The following NUP93 variants were observed in gnomAD, a reference collection of about 807,000 sequenced individuals.
The protein encoded by NUP93 is nuclear pore complex protein Nup93.
Under a neutral mutation model 107.8 loss-of-function variants are expected in NUP93, and 55 were observed. That is an observed-to-expected ratio of 0.51 (90% confidence interval 0.41 to 0.64). The LOEUF (loss-of-function observed/expected upper bound fraction) is 0.64. NUP93 is among the 30% of genes least tolerant of loss of function. The pLI, the probability that NUP93 is intolerant of heterozygous loss-of-function variation, is 0.00. For synonymous variants in NUP93, 390 were observed against 397.5 expected, an observed-to-expected ratio of 0.98 and a Z score of 0.22; for missense variants, 937 against 1,044.7, an observed-to-expected ratio of 0.90 and a Z score of 1.42.
chr16:56,759,110 G>T (rs1962079763), intron 3 of NUP93, among the ~76,000 whole-genome samples: 1 of 152,200 alleles, frequency 6.6e-6, no homozygotes, highest in Non-Finnish European at 1.5e-5. Context: ...TGATTTCCAA[G>T]AAGTGTTTGG....
intron 13 of NUP93, 84 bp from the exon 14 acceptor site, chr16:56,834,044 T>A (rs1160410330): frequency 6.3e-7 from 1 of 1,579,522 alleles, no homozygotes; most frequent in East Asian, 2.3e-5. Flanking sequence ...CTGCTGGGTC[T>A]GTGGATTCAG....
intron 3 of NUP93, among the ~76,000 whole-genome samples, chr16:56,793,943 C>T (rs1231865940): frequency 6.6e-6 from 1 of 151,980 alleles, no homozygotes; most frequent in Non-Finnish European, 1.5e-5. Flanking sequence ...GTCCCAGCTA[C>T]TCAGAAGGCT....
At chr16:56,740,181 T>C (rs1486189555) in intron 1 of NUP93, among the ~76,000 whole-genome samples, 7 of 138,598 alleles carry the variant, frequency 5.1e-5, no homozygotes, top group East Asian at 2.4e-4. Context: ...CGCTCCTCAC[T>C]TCCCAGATGG....
chr16:56,788,897 T>C (rs1415787935), intron 3 of NUP93, among the ~76,000 whole-genome samples: 1 of 152,236 alleles, frequency 6.6e-6, no homozygotes, highest in Non-Finnish European at 1.5e-5. Context: ...GTCCCCATTA[T>C]TGCAGATGAC....
In NUP93 at chr16:56,779,699, G is replaced by T. The variant is rs1301242462; in HGVS notation, c.298-18777G>T. On this transcript the variant is annotated intron_variant, in intron 3 of 21. Transcript: ENST00000308159. ...TAGTTTCCTTGGGATACTCGTAGATGGAGGAAGAAGGGGCTGAGCTGATTT... is the reference window on the plus strand; with the variant it reads ...TAGTTTCCTTGGGATACTCGTAGATTGAGGAAGAAGGGGCTGAGCTGATTT... 2.6e-5 allele frequency among the ~76,000 whole-genome samples: 4 copies of T among 152,280 alleles called. No individual in the cohort carries two copies. In the East Asian group the frequency reaches 7.7e-4, roughly 29 times the overall value.
intron 3 of NUP93, among the ~76,000 whole-genome samples, chr16:56,780,119 A>G (rs1363006817): frequency 6.6e-6 from 1 of 152,196 alleles, no homozygotes; most frequent in Non-Finnish European, 1.5e-5. Flanking sequence ...GCTACCCTCA[A>G]CACACACGTT....
At chr16:56,771,741 A>T (rs775459887) in intron 3 of NUP93, among the ~76,000 whole-genome samples, 11 of 152,152 alleles carry the variant, frequency 7.2e-5, no homozygotes, top group South Asian at 6.2e-4. Context: ...AGTGATACTG[A>T]TGTTTGTTGA....
chr16:56,823,937 C>A, intron 8 of NUP93, 91 bp downstream of exon 8: 1 of 1,444,582 alleles, frequency 6.9e-7, no homozygotes, highest in Non-Finnish European at 9.4e-7. Flanking sequence ...GCTAGGTGTG[C>A]TGTAGGTATA....
intron 3 of NUP93, among the ~76,000 whole-genome samples, chr16:56,779,573 C>G (rs891504898): frequency 6.6e-6 from 1 of 152,140 alleles, no homozygotes; most frequent in Admixed American, 6.5e-5. Context: ...GACCTCCTTA[C>G]CTATTCAGGC....
intron 1 of NUP93, among the ~76,000 whole-genome samples, chr16:56,734,921 C>T (rs1194940186): frequency 6.6e-6 from 1 of 152,172 alleles, no homozygotes; most frequent in Non-Finnish European, 1.5e-5. Context: ...ACTGTCTGTG[C>T]CCATCTCTAT....
intron 3 of NUP93, among the ~76,000 whole-genome samples, chr16:56,769,270 T>G (rs1962276125): frequency 6.6e-6 from 1 of 152,068 alleles, no homozygotes; most frequent in Non-Finnish European, 1.5e-5. Flanking sequence ...AAATAAAGAG[T>G]AGAAAGCCCA....
At chr16:56,816,280 G>GT (rs1286327348) in intron 5 of NUP93, among the ~76,000 whole-genome samples, 3 of 152,194 alleles carry the variant, frequency 2.0e-5, no homozygotes, top group Admixed American at 6.5e-5. Flanking sequence ...TAACCCAGTG[G>GT]TTTTTTAAAT....
intron 21 of NUP93, among the ~76,000 whole-genome samples, chr16:56,842,374 GTC>G (rs1286283458): frequency 6.6e-6 from 1 of 152,086 alleles, no homozygotes; most frequent in Non-Finnish European, 1.5e-5. Context: ...TGGAGGCTGG[GTC>G]TCTCTGACAC....
intron 21 of NUP93, among the ~76,000 whole-genome samples, chr16:56,844,254 T>G (rs1412541440): frequency 5.3e-5 from 8 of 152,158 alleles, no homozygotes; most frequent in African/African-American, 1.9e-4. Context: ...ATCTGCTTTT[T>G]GCTTAATAGA....
intron 5 of NUP93, among the ~76,000 whole-genome samples, chr16:56,813,368 A>G (rs973765904): frequency 1.1e-4 from 16 of 152,354 alleles, no homozygotes; most frequent in Admixed American, 9.1e-4. Context: ...GAAATGAAAT[A>G]TAGTAGAATA....
chr16:56,834,881 A>C, intron 16 of NUP93, 103 bp downstream of exon 16: 1 of 955,436 alleles, frequency 1.0e-6, no homozygotes, highest in Non-Finnish European at 1.6e-6. Flanking sequence ...TAAAGATGCA[A>C]ATCTGAACAG....
At position 56,815,678 on chromosome 16, in the gene NUP93, A is replaced by C. The variant is rs79733449; in HGVS notation, c.490-2986A>C. 3.1e-3 allele frequency among the ~76,000 whole-genome samples: 478 copies of C among 152,208 alleles called. 2 individuals are homozygous for C. The highest frequency in any genetic ancestry group is 0.011 in the African/African-American group (455 of 41,514). On this transcript the variant is annotated intron_variant, in intron 5 of 21. Coordinates refer to ENST00000308159, the MANE Select transcript of NUP93 (RefSeq NM_014669.5). ...TGTTGAAGTCTTCCACTTATTCCTC[A>C]CAACAGTGCTGTGAGGTAGGGATTC... is the stretch of plus-strand genomic sequence containing the variant.
At chr16:56,761,810 A>G (rs1197898025) in intron 3 of NUP93, among the ~76,000 whole-genome samples, 4 of 152,008 alleles carry the variant, frequency 2.6e-5, no homozygotes, top group African/African-American at 7.3e-5. Flanking sequence ...TTCTGCTTCT[A>G]ATGGAGCTTG....
Position 56,844,620 on chromosome 16 carries a change from T to C in NUP93, c.*11T>C. 1.3e-6 allele frequency: 2 copies of C among 1,574,120 alleles called. No homozygotes were observed. Among genetic ancestry groups the C allele is most frequent in the Non-Finnish European group, 1.7e-6 (2 of 1,156,132 alleles). On this transcript the variant is annotated 3_prime_UTR_variant, in exon 22 of 22. Transcript: ENST00000308159. ...GTCCTCATGAATTAAGTGCCATGCTTTGTGGGAGTCTGGGTCGGCACACTG... is the reference window on the plus strand; with the variant it reads ...GTCCTCATGAATTAAGTGCCATGCTCTGTGGGAGTCTGGGTCGGCACACTG...
Sources: allele counts gnomAD v4.1 joint callset (sites outside exome capture counted in the v4.1 genomes callset), GRCh38; gene constraint gnomAD v4.1.1; transcripts MANE v1.5; gene names NCBI Gene and HGNC (gene_info 2026-07-23, HGNC 2026-07-21).